Variants in PIBF1 observed in about 807,000 individuals in gnomAD.
PIBF1 encodes progesterone immunomodulatory binding factor 1.
A neutral mutation model predicts 112.5 loss-of-function variants in PIBF1; 90 were observed. That is an observed-to-expected ratio of 0.80 (90% CI 0.67 to 0.95). PIBF1 has a LOEUF of 0.95. PIBF1 is among the 40% of genes least tolerant of loss of function. The probability of loss-of-function intolerance (pLI) is 0.00; values close to 1 mark genes in which losing one functional copy is unlikely to be tolerated. For synonymous variants in PIBF1, 301 were observed against 288.6 expected, an observed-to-expected ratio of 1.04 and a Z score of -0.44; for missense variants, 915 against 852.3, an observed-to-expected ratio of 1.07 and a Z score of -0.92.
chr13:72,976,027 T>C (rs969945646), intron 16 of PIBF1, among the ~76,000 whole-genome samples: 7 of 152,176 alleles, frequency 4.6e-5, no homozygotes, highest in African/African-American at 1.7e-4. Context: ...TGGAATCACA[T>C]TACTCATGAG....
At chr13:72,824,932 G>A (rs905071705) in intron 6 of PIBF1, among the ~76,000 whole-genome samples, 9 of 152,256 alleles carry the variant, frequency 5.9e-5, no homozygotes, top group African/African-American at 1.4e-4. Context: ...CATTTCTGTA[G>A]TATTCCTGCC....
At chr13:72,868,157 A>G (rs1410055028) in intron 10 of PIBF1, among the ~76,000 whole-genome samples, 2 of 152,028 alleles carry the variant, frequency 1.3e-5, no homozygotes, top group African/African-American at 2.4e-5. Flanking sequence ...AAAATTAACC[A>G]CGCAGAGTGG....
intron 13 of PIBF1, among the ~76,000 whole-genome samples, chr13:72,928,036 T>TACATATATATAC (rs1324470736): frequency 8.9e-4 from 123 of 137,808 alleles, no homozygotes; most frequent in African/African-American, 3.0e-3. Context: ...CATATATATA[T>TACATATATATAC]ATATATATAC....
At chr13:72,980,382 G>C (rs879048721) in intron 16 of PIBF1, among the ~76,000 whole-genome samples, 7 of 152,196 alleles carry the variant, frequency 4.6e-5, no homozygotes, top group Admixed American at 4.6e-4. Context: ...ATCAGGAAGA[G>C]AGTAGAGTCC....
At chr13:72,862,545 G>A (rs1233231310) in intron 10 of PIBF1, among the ~76,000 whole-genome samples, 2 of 152,222 alleles carry the variant, frequency 1.3e-5, no homozygotes, top group African/African-American at 4.8e-5. Context: ...TTCAGGCACT[G>A]TGATTAAGGG....
intron 13 of PIBF1, among the ~76,000 whole-genome samples, chr13:72,921,936 C>T (rs1359397895): frequency 2.0e-5 from 3 of 152,082 alleles, no homozygotes; most frequent in Non-Finnish European, 4.4e-5. Context: ...TATACAGAAG[C>T]CTCTTGAAAT....
chr13:72,841,634 C>T (rs891655688), intron 9 of PIBF1, among the ~76,000 whole-genome samples: 7 of 151,944 alleles, frequency 4.6e-5, no homozygotes, highest in Admixed American at 4.6e-4. Context: ...ATTAGCCAGG[C>T]GTGGTGGCAC....
At chr13:73,013,520 T>C (rs1439891954) in intron 17 of PIBF1, among the ~76,000 whole-genome samples, 2 of 150,320 alleles carry the variant, frequency 1.3e-5, no homozygotes, top group African/African-American at 2.4e-5. Flanking sequence ...CTACAGAAAA[T>C]TGAGATAAAG....
intron 9 of PIBF1, among the ~76,000 whole-genome samples, chr13:72,850,138 GGT>G (rs1227727600): frequency 1.3e-5 from 2 of 152,192 alleles, no homozygotes; most frequent in African/African-American, 4.8e-5. Context: ...GGATATGGAA[GGT>G]GTGGTACTTG....
At chr13:72,960,732 C>G (rs912214151) in intron 14 of PIBF1, among the ~76,000 whole-genome samples, 3 of 152,114 alleles carry the variant, frequency 2.0e-5, no homozygotes, top group Non-Finnish European at 2.9e-5. Context: ...AAAACAAAGC[C>G]AAGGCAATTG....
chr13:72,838,197 A>G (rs1049103292), intron 9 of PIBF1, among the ~76,000 whole-genome samples: 8 of 152,228 alleles, frequency 5.3e-5, no homozygotes, highest in African/African-American at 1.9e-4. Context: ...TAAATGCTAG[A>G]CATCATAGGT....
intron 14 of PIBF1, among the ~76,000 whole-genome samples, chr13:72,934,098 T>C (rs1468370809): frequency 2.0e-5 from 3 of 152,282 alleles, no homozygotes; most frequent in African/African-American, 4.8e-5. Flanking sequence ...CCCTTAAGAT[T>C]GAAAATAAAA....
At position 72,927,996 on chromosome 13, in the gene PIBF1, CAT is replaced by C. The variant is rs1168458934; in HGVS notation, c.1731-3161_1731-3160del. Among the ~76,000 whole-genome samples, 7 of 76,120 alleles carry C rather than the reference CAT, an allele frequency of 9.2e-5. 1 individual carries two copies. The highest frequency in any genetic ancestry group is 2.1e-4 in the African/African-American group (5 of 23,494). 49.9% of individuals were successfully genotyped at this position (76,120 alleles called of 152,430 possible). On this transcript the variant is annotated intron_variant, in intron 13 of 17. Coordinates refer to ENST00000326291, the MANE Select transcript of PIBF1 (RefSeq NM_006346.4). ...ATATATACATATATATATACACACACATATATATACATATATATACATATATA... is the reference window on the plus strand; with the variant it reads ...ATATATACATATATATATACACACACATATATACATATATATACATATATA...
At chr13:72,970,024 T>C (rs2042848047) in intron 15 of PIBF1, among the ~76,000 whole-genome samples, 1 of 152,200 alleles carries the variant, frequency 6.6e-6, no homozygotes, top group African/African-American at 2.4e-5. Flanking sequence ...TTTACATCAA[T>C]TGATGATTTT....
chr13:72,911,125 C>A (rs140223897), intron 12 of PIBF1, among the ~76,000 whole-genome samples: 9 of 151,904 alleles, frequency 5.9e-5, no homozygotes, highest in Admixed American at 5.9e-4. Flanking sequence ...CTGTAGGGTG[C>A]GATGATCATG....
intron 12 of PIBF1, among the ~76,000 whole-genome samples, chr13:72,914,648 A>G (rs2041018879): frequency 6.6e-6 from 1 of 152,146 alleles, no homozygotes; most frequent in Non-Finnish European, 1.5e-5. Flanking sequence ...CAGTGGTACA[A>G]TCATAGCTCA....
intron 2 of PIBF1, among the ~76,000 whole-genome samples, chr13:72,784,012 G>A (rs77258151): frequency 0.022 from 3,277 of 151,652 alleles, 135 homozygotes; most frequent in African/African-American, 0.076. Context: ...CAGCATGGTG[G>A]CTATAGTTAA....
chr13:72,988,869 T>C (rs1289394258), intron 16 of PIBF1, among the ~76,000 whole-genome samples: 1 of 151,992 alleles, frequency 6.6e-6, no homozygotes, highest in Non-Finnish European at 1.5e-5. Flanking sequence ...AAACCCTGTC[T>C]CTACTAAAAA....
chr13:72,949,083 A>G (rs2042224995), intron 14 of PIBF1, among the ~76,000 whole-genome samples: 1 of 152,192 alleles, frequency 6.6e-6, no homozygotes, highest in Admixed American at 6.5e-5. Context: ...GTTATTAGCT[A>G]TATTTAACAT....
Sources: gnomAD v4.1 joint callset for allele counts (sites outside exome capture counted in the v4.1 genomes callset) on GRCh38, gnomAD v4.1.1 for gene constraint, MANE v1.5 for transcripts, NCBI Gene and HGNC (gene_info 2026-07-23, HGNC 2026-07-21) for gene names.